MAPK10: variants seen among roughly 807,000 people sequenced by gnomAD.
MAPK10 encodes the protein mitogen-activated protein kinase 10, also known as JNK3 alpha protein kinase.
In MAPK10, 25 loss-of-function variants were observed where a neutral mutation model predicts 59.3. That is an observed-to-expected ratio of 0.42 (90% CI 0.31 to 0.59). The LOEUF is 0.59. MAPK10 is among the 20% of genes least tolerant of loss of function. MAPK10 has a pLI of 0.15. For synonymous variants in MAPK10, 190 were observed against 200.5 expected, an observed-to-expected ratio of 0.95 and a Z score of 0.44; for missense variants, 351 against 568.9, an observed-to-expected ratio of 0.62 and a Z score of 3.90.
In MAPK10 at chr4:86,017,888, A is replaced by G. The variant is rs1207756984; in HGVS notation, c.1253-518T>C. 6.6e-6 allele frequency among the ~76,000 whole-genome samples: 1 copy of G among 152,034 alleles called. No homozygotes were observed. The highest frequency in any genetic ancestry group is 1.5e-5 in the Non-Finnish European group (1 of 68,006). On this transcript the variant is annotated intron_variant, in intron 13 of 13. Transcript: ENST00000641462. The surrounding 1 kb of genome is among the most constrained non-coding windows in gnomAD (Gnocchi z 4.4). ...CAGGTGCGCACCACCACACCCAGCT[A>G]ATTTTTGTACTTTTAGTAGAGATGA...
At chr4:86,573,461 C>A (rs1415393660) in intron 1 of MAPK10, among the ~76,000 whole-genome samples, 1 of 152,116 alleles carries the variant, frequency 6.6e-6, no homozygotes, top group East Asian at 1.9e-4. Flanking sequence ...ATATAGCTAT[C>A]CTTACTCCCA....
intron 2 of MAPK10, among the ~76,000 whole-genome samples, chr4:86,351,503 T>C (rs1245759705): frequency 2.0e-5 from 3 of 152,102 alleles, no homozygotes; most frequent in Non-Finnish European, 4.4e-5. Flanking sequence ...TTCCTCTTGT[T>C]TGCCCACCAC....
intron 1 of MAPK10, among the ~76,000 whole-genome samples, chr4:86,576,546 G>A (rs189305907): frequency 0.018 from 2,656 of 150,914 alleles, 33 homozygotes; most frequent in Non-Finnish European, 0.026. Context: ...AGGCCGAGAC[G>A]GGTGGATCAT....
chr4:86,573,816 C>G (rs1023203932), intron 1 of MAPK10, among the ~76,000 whole-genome samples: 10 of 152,032 alleles, frequency 6.6e-5, no homozygotes, highest in African/African-American at 2.4e-4. Context: ...AGATTTATCC[C>G]TTATTATTCA....
intron 1 of MAPK10, among the ~76,000 whole-genome samples, chr4:86,541,510 G>C (rs1758694231): frequency 6.6e-6 from 1 of 152,164 alleles, no homozygotes; most frequent in Admixed American, 6.5e-5. Context: ...AAAATCTTGA[G>C]AGGGAAAAAT....
intron 2 of MAPK10, among the ~76,000 whole-genome samples, chr4:86,255,908 G>T (rs1263064400): frequency 6.6e-6 from 1 of 152,044 alleles, no homozygotes; most frequent in African/African-American, 2.4e-5. Flanking sequence ...TTTATTCACA[G>T]CATCAAATTG....
intron 1 of MAPK10, among the ~76,000 whole-genome samples, chr4:86,536,957 A>G (rs919284314): frequency 6.6e-6 from 1 of 152,166 alleles, no homozygotes; most frequent in South Asian, 2.1e-4. Context: ...CATGGTGGTA[A>G]GATGAGGGTA....
chr4:86,137,024 G>A (rs2062349113), intron 4 of MAPK10, among the ~76,000 whole-genome samples: 1 of 151,862 alleles, frequency 6.6e-6, no homozygotes, highest in African/African-American at 2.4e-5. Context: ...GGAGCACCCA[G>A]ATTCATAAAG....
intron 1 of MAPK10, among the ~76,000 whole-genome samples, chr4:86,415,454 A>G (rs570356478): frequency 1.2e-4 from 18 of 152,234 alleles, no homozygotes; most frequent in Non-Finnish European, 2.1e-4. Flanking sequence ...TTGATAACTT[A>G]GGAAAAACGG....
rs577275880 is a variant in MAPK10 at position 86,041,154 on chromosome 4, A to T, written c.1111-9723T>A. 1.1e-4 allele frequency among the ~76,000 whole-genome samples: 17 copies of T among 152,294 alleles called. No homozygotes were observed. In the South Asian group the frequency reaches 3.1e-3, roughly 28 times the overall value. On this transcript the variant is annotated intron_variant, in intron 11 of 13. Transcript: ENST00000641462. ...GAAAAGAAAAAAACTACTAAGAATA[A>T]CAATAGCTACAATAATGTGTTAAGG...
intron 1 of MAPK10, among the ~76,000 whole-genome samples, chr4:86,469,113 G>T (rs1459942735): frequency 6.6e-6 from 1 of 151,956 alleles, no homozygotes; most frequent in Non-Finnish European, 1.5e-5. Context: ...GGCATAGAAG[G>T]TTTCCACATG....
chr4:86,486,611 A>G (rs1164683146), intron 1 of MAPK10, among the ~76,000 whole-genome samples: 1 of 152,226 alleles, frequency 6.6e-6, no homozygotes, highest in East Asian at 1.9e-4. Flanking sequence ...TGGAAAAAGA[A>G]AGATAAAAAT....
chr4:86,095,537 AG>A (rs1479598230), intron 9 of MAPK10: 2 of 151,854 alleles, frequency 1.3e-5, no homozygotes, highest in Non-Finnish European at 2.9e-5. Context: ...GAAGTAGTCA[AG>A]GTATCAATTA....
At chr4:86,421,518 T>C (rs1746538494) in intron 1 of MAPK10, among the ~76,000 whole-genome samples, 1 of 152,110 alleles carries the variant, frequency 6.6e-6, no homozygotes, top group Non-Finnish European at 1.5e-5. Flanking sequence ...TGTAGAGTCA[T>C]CCTCTTCATA....
At chr4:86,266,945 T>C (rs1307837808) in intron 2 of MAPK10, among the ~76,000 whole-genome samples, 1 of 152,098 alleles carries the variant, frequency 6.6e-6, no homozygotes, top group Non-Finnish European at 1.5e-5. Context: ...GTGGTATGGA[T>C]GTGTATTGGT....
At chr4:86,548,367 C>G (rs749943691) in intron 1 of MAPK10, among the ~76,000 whole-genome samples, 2 of 152,210 alleles carry the variant, frequency 1.3e-5, no homozygotes, top group African/African-American at 2.4e-5. Context: ...CCTTTAAGAA[C>G]TGTAACACTC....
At chr4:86,393,326 A>T (rs1315142101) in intron 1 of MAPK10, among the ~76,000 whole-genome samples, 1 of 150,766 alleles carries the variant, frequency 6.6e-6, no homozygotes, top group Non-Finnish European at 1.5e-5. Flanking sequence ...ATATCAAATC[A>T]ATGATCTAGT....
chr4:86,148,211 T>G (rs985940161), intron 4 of MAPK10, among the ~76,000 whole-genome samples: 22 of 152,172 alleles, frequency 1.4e-4, no homozygotes, highest in Non-Finnish European at 2.9e-4. Context: ...CAATTACTTT[T>G]GCTGAGCAGT....
intron 2 of MAPK10, among the ~76,000 whole-genome samples, chr4:86,235,866 C>T (rs1186718382): frequency 6.6e-6 from 1 of 152,188 alleles, no homozygotes; most frequent in African/African-American, 2.4e-5. Flanking sequence ...TAACAAATTA[C>T]CGCAAACTTA....
Sources: allele counts gnomAD v4.1 joint callset (sites outside exome capture counted in the v4.1 genomes callset), GRCh38; gene constraint gnomAD v4.1.1; non-coding constraint Gnocchi (gnomAD v3.1); transcripts MANE v1.5; gene names NCBI Gene and HGNC (gene_info 2026-07-23, HGNC 2026-07-21).